PRKN: variants seen among roughly 807,000 people sequenced by gnomAD.
PRKN encodes the protein parkin RBR E3 ubiquitin protein ligase.
A neutral mutation model predicts 59.5 loss-of-function variants in PRKN; 56 were observed. That is an observed-to-expected ratio of 0.94 (90% CI 0.76 to 1.18). PRKN has a LOEUF of 1.18. Among genes scored for constraint, PRKN ranks in the 50% most tolerant of loss-of-function variants. The pLI is 0.00. For synonymous variants in PRKN, 250 were observed against 222.1 expected (o/e 1.13, Z -1.12); for missense variants, 657 against 596.4 (o/e 1.10, Z -1.06).
Position 161,526,822 on chromosome 6 carries a change from T to C in PRKN, c.1083+22032A>G, listed in dbSNP as rs1432545405. On this transcript the variant is annotated intron_variant, in intron 9 of 11. Transcript: ENST00000366898. The surrounding 1 kb of genome is among the most constrained non-coding windows in gnomAD (Gnocchi z 4.1). The stretch of plus-strand genomic sequence containing the variant: ...AATACATACAAATTTATTACATACA[T>C]ATGCATGAGAGTCCCTCAAAATATA... Among the ~76,000 whole-genome samples, 4 of 152,274 alleles carry C rather than the reference T, an allele frequency of 2.6e-5. No individual in the cohort carries two copies. Among genetic ancestry groups the C allele is most frequent in the South Asian group, 2.1e-4 (1 of 4,826 alleles).
intron 4 of PRKN, among the ~76,000 whole-genome samples, chr6:162,072,266 T>C (rs1778610315): frequency 2.0e-5 from 3 of 152,046 alleles, no homozygotes; most frequent in Admixed American, 2.0e-4. Context: ...CCAGCCCGGG[T>C]GACAGAGCGA....
intron 5 of PRKN, among the ~76,000 whole-genome samples, chr6:162,039,977 TAA>T (rs891564790): frequency 2.0e-5 from 3 of 152,252 alleles, no homozygotes; most frequent in Non-Finnish European, 4.4e-5. Context: ...CTGGTAAATT[TAA>T]ACAGGATTAA....
chr6:162,023,566 C>T (rs917826934), intron 5 of PRKN, among the ~76,000 whole-genome samples: 3 of 152,140 alleles, frequency 2.0e-5, no homozygotes, highest in Admixed American at 6.5e-5. Context: ...TGCTCCTCTC[C>T]TCGCCCTCTC....
intron 6 of PRKN, among the ~76,000 whole-genome samples, chr6:161,920,066 G>A (rs1778720573): frequency 6.6e-6 from 1 of 152,206 alleles, no homozygotes; most frequent in South Asian, 2.1e-4. Context: ...TGTACAGCAT[G>A]TTACTGGACT....
intron 1 of PRKN, among the ~76,000 whole-genome samples, chr6:162,447,440 T>C (rs1365676242): frequency 1.3e-5 from 2 of 152,178 alleles, no homozygotes; most frequent in East Asian, 1.9e-4. Flanking sequence ...ACGTATAATA[T>C]AGTATCAGAA....
At chr6:162,565,523 C>G (rs575530016) in intron 1 of PRKN, among the ~76,000 whole-genome samples, 2 of 152,126 alleles carry the variant, frequency 1.3e-5, no homozygotes, top group East Asian at 1.9e-4. Context: ...AACCCTATCT[C>G]TACTAAAAAT....
chr6:161,668,838 T>G (rs940746044), intron 7 of PRKN, among the ~76,000 whole-genome samples: 2 of 152,204 alleles, frequency 1.3e-5, no homozygotes, highest in African/African-American at 2.4e-5. Flanking sequence ...CAGCTGTCTA[T>G]CTCACCCACA....
intron 4 of PRKN, among the ~76,000 whole-genome samples, chr6:162,184,570 C>T (rs995694817): frequency 6.6e-6 from 1 of 152,118 alleles, no homozygotes; most frequent in African/African-American, 2.4e-5. Context: ...TGTAGAAGGA[C>T]ATGTTGCTTC....
intron 7 of PRKN, among the ~76,000 whole-genome samples, chr6:161,717,190 G>A (rs1160107389): frequency 1.3e-5 from 2 of 152,210 alleles, no homozygotes; most frequent in African/African-American, 4.8e-5. Context: ...CTTTCTTACA[G>A]TTCTAGACTG....
rs193205488 is a variant in PRKN at position 161,771,180 on chromosome 6, C to A, written c.871+14592G>T. Among the ~76,000 whole-genome samples, 1,081 of 151,728 alleles carry A rather than the reference C, an allele frequency of 7.1e-3. 9 individuals carry two copies. Among genetic ancestry groups the A allele is most frequent in the African/African-American group, 0.025 (1,028 of 41,362 alleles). ...GACCATCCTGGCTAACACGGTGAAACCCTGTCTCTACTAAAAATATAAAAA... is the reference window on the plus strand; with the variant it reads ...GACCATCCTGGCTAACACGGTGAAAACCTGTCTCTACTAAAAATATAAAAA... On this transcript the variant is annotated intron_variant, in intron 7 of 11. Coordinates refer to ENST00000366898, the MANE Select transcript of PRKN (RefSeq NM_004562.3).
rs1787675469 is a variant in PRKN, at chr6:162,399,900, G to C, written c.171+43410C>G. ...ATGAGCTAAACGGCCTGTATGATTT[G>C]GAAAAAAAAGAAATCAAAGAAGAGG... is the stretch of plus-strand genomic sequence containing the variant. On this transcript the variant is annotated intron_variant, in intron 2 of 11. Transcript: ENST00000366898. Among the ~76,000 whole-genome samples, 2 of 152,100 alleles carry C rather than the reference G, an allele frequency of 1.3e-5. 1 individual carries two copies. The highest frequency in any genetic ancestry group is 2.9e-5 in the Non-Finnish European group (2 of 68,000).
chr6:162,400,558 A>C (rs549113409), intron 2 of PRKN, among the ~76,000 whole-genome samples: 2 of 152,286 alleles, frequency 1.3e-5, no homozygotes, highest in Admixed American at 6.5e-5. Context: ...ATTGTTCTCA[A>C]AATTTTTTGG....
At chr6:161,559,087 G>C (rs1583227478) in intron 8 of PRKN, among the ~76,000 whole-genome samples, 1 of 134,010 alleles carries the variant, frequency 7.5e-6, no homozygotes, top group Non-Finnish European at 1.6e-5. Context: ...AAAAAAACAA[G>C]CAACAGATCA....
At chr6:161,769,268 G>C (rs1456932486) in intron 7 of PRKN, among the ~76,000 whole-genome samples, 1 of 152,202 alleles carries the variant, frequency 6.6e-6, no homozygotes, top group African/African-American at 2.4e-5. Flanking sequence ...CATAGGTTTG[G>C]TGGTGACTGG....
chr6:162,486,371 T>A (rs905429217), intron 1 of PRKN, among the ~76,000 whole-genome samples: 1 of 152,226 alleles, frequency 6.6e-6, no homozygotes, highest in Non-Finnish European at 1.5e-5. Context: ...TTAAAGGAAC[T>A]ACAGTTCTAC....
intron 7 of PRKN, among the ~76,000 whole-genome samples, chr6:161,586,322 C>G (rs993473926): frequency 6.6e-6 from 1 of 152,170 alleles, no homozygotes; most frequent in Non-Finnish European, 1.5e-5. Context: ...TCAACCTGCA[C>G]CTTTGGTTTT....
At chr6:161,904,239 T>C (rs893665939) in intron 6 of PRKN, among the ~76,000 whole-genome samples, 1 of 151,102 alleles carries the variant, frequency 6.6e-6, no homozygotes, top group African/African-American at 2.4e-5. Context: ...GCCCACAGTT[T>C]GGGGGGAAAA....
chr6:161,759,702 C>G (rs112213731), intron 7 of PRKN, among the ~76,000 whole-genome samples: 1,828 of 152,298 alleles, frequency 0.012, 25 homozygotes, highest in Middle Eastern at 0.041. Flanking sequence ...CTAGATCCTT[C>G]CACGCAGTTT....
At chr6:161,614,136 C>T (rs1328311628) in intron 7 of PRKN, among the ~76,000 whole-genome samples, 1 of 152,138 alleles carries the variant, frequency 6.6e-6, no homozygotes, top group Non-Finnish European at 1.5e-5. Flanking sequence ...ATGCCTCCAC[C>T]TTTCTCTTCA....
Sources: gnomAD v4.1 joint callset for allele counts (sites outside exome capture counted in the v4.1 genomes callset) on GRCh38, gnomAD v4.1.1 for gene constraint, Gnocchi (gnomAD v3.1) non-coding constraint, MANE v1.5 for transcripts, NCBI Gene and HGNC (gene_info 2026-07-23, HGNC 2026-07-21) for gene names.